COL4A4: variants seen among roughly 807,000 people sequenced by gnomAD.
COL4A4 encodes collagen type IV alpha 4 chain, also known as collagen alpha-4(IV) chain.
A neutral mutation model predicts 192.9 loss-of-function variants in COL4A4; 105 were observed. The observed-to-expected ratio is 0.54, with a 90% CI of 0.46 to 0.64. COL4A4 has a LOEUF of 0.64. Ranked by LOEUF, COL4A4 falls within the 30% of genes least tolerant of loss-of-function variation. The pLI is 0.00. For missense variants in COL4A4, 1,967 were observed against 2,169.3 expected, an observed-to-expected ratio of 0.91 and a Z score of 1.85; for synonymous variants, 762 against 769.9, an observed-to-expected ratio of 0.99 and a Z score of 0.17.
chr2:227,115,665 C>T (rs1448870573), intron 7 of COL4A4, among the ~76,000 whole-genome samples: 1 of 152,154 alleles, frequency 6.6e-6, no homozygotes, highest in Middle Eastern at 3.2e-3. Context: ...ATATACATTT[C>T]AAAGTTAATC....
chr2:227,107,963 G>A (rs1461576317), intron 12 of COL4A4, among the ~76,000 whole-genome samples: 1 of 151,844 alleles, frequency 6.6e-6, no homozygotes, highest in Non-Finnish European at 1.5e-5. Flanking sequence ...TCACCATGTT[G>A]GCCAGGATGG....
intron 1 of COL4A4, among the ~76,000 whole-genome samples, chr2:227,152,853 C>A (rs753553389): frequency 6.6e-6 from 1 of 152,176 alleles, no homozygotes; most frequent in Non-Finnish European, 1.5e-5. Flanking sequence ...ATAGACGAAG[C>A]AGTGTGTTTC....
At chr2:227,000,085 C>G (rs1397830543), downstream of COL4A4, among the ~76,000 whole-genome samples, 1 of 152,216 alleles carries the variant, frequency 6.6e-6, no homozygotes, top group Non-Finnish European at 1.5e-5. Flanking sequence ...ACAAGATCCT[C>G]TCCCTCAACA....
At chr2:226,970,064 C>T in the COL4A4 span, among the ~76,000 whole-genome samples, 1 of 145,802 alleles carries the variant, frequency 6.9e-6, no homozygotes, top group Admixed American at 7.2e-5. Flanking sequence ...CAGCCCTCTC[C>T]CCCCGCATTC....
intron 25 of COL4A4, among the ~76,000 whole-genome samples, chr2:227,067,192 T>C (rs895212555): frequency 2.0e-5 from 3 of 152,010 alleles, no homozygotes; most frequent in African/African-American, 7.3e-5. Context: ...ATGCACCCAA[T>C]ACAGGAGCAC....
chr2:227,097,756 G>C (rs1029397165), intron 19 of COL4A4, among the ~76,000 whole-genome samples: 6 of 152,200 alleles, frequency 3.9e-5, no homozygotes, highest in African/African-American at 1.4e-4. Flanking sequence ...TTCCACCTTT[G>C]TGGTTATTGA....
rs1177348012 is a variant in COL4A4 at position 227,007,473 on chromosome 2, T to C, written c.4925A>G (p.His1642Arg). The change falls in exon 48 of 48, where the codon CAC becomes CGC. Residue 1642 changes from histidine (H) to arginine (R), a missense_variant. By Grantham distance (29) the His-to-Arg change is conservative (BLOSUM62 0). Transcript: ENST00000396625. ...LECQGRQGTC[H>R]FFANKYSFWL... ...GAAGCTATACTTATTTGCGAAAAAG[T>C]GGCAAGTTCCCTGCCGGCCCTGGCA... 1.1e-5 allele frequency: 17 copies of C among 1,614,202 alleles called. No individual in the cohort carries two copies. The highest frequency in any genetic ancestry group is 1.4e-5 in the Non-Finnish European group (17 of 1,180,038).
At chr2:227,128,752 G>A (rs4337467) in intron 4 of COL4A4, among the ~76,000 whole-genome samples, 32,416 of 151,796 alleles carry the variant, frequency 0.21, 4,354 homozygotes, top group Non-Finnish European at 0.28. Context: ...GTCAACTCTC[G>A]CACGGGTTCC....
At chr2:227,051,866 C>A (rs1974180616) in intron 32 of COL4A4, among the ~76,000 whole-genome samples, 1 of 152,124 alleles carries the variant, frequency 6.6e-6, no homozygotes, top group African/African-American at 2.4e-5. Context: ...AAAAAATGTA[C>A]CACAAGGTTT....
At chr2:227,134,241 G>T (rs2062669455) in intron 4 of COL4A4, among the ~76,000 whole-genome samples, 1 of 152,186 alleles carries the variant, frequency 6.6e-6, no homozygotes, top group African/African-American at 2.4e-5. Flanking sequence ...GTCACCAGCT[G>T]TTCCCCAAGG....
rs1553644402 is a variant in COL4A4 at position 227,060,216 on chromosome 2, C to T, written c.2084G>A (p.Gly695Asp). The T allele has an allele frequency of 6.2e-7, 1 of 1,612,508 alleles. No individual in the cohort carries two copies. Among genetic ancestry groups the T allele is most frequent in the East Asian group, 2.2e-5 (1 of 44,836 alleles). Residue 695 changes from glycine (G) to aspartate (D), a missense_variant, in exon 27 of 48, where the codon GGT (glycine) becomes GAT (aspartate). By Grantham distance (94) the Gly-to-Asp change is moderately conservative. Coordinates refer to ENST00000396625, the MANE Select transcript of COL4A4 (RefSeq NM_000092.5). ...ATCTGAACCACTCAGCCCAGGGGCA[C>T]CTTGGGGACCTGGAAATCCCTTCGG... ...PGPKGFPGPQ[G>D]APGLSGSDGH...
In COL4A4 at chr2:227,103,125, A is replaced by G. The variant is rs1576521953; in HGVS notation, c.870+19T>C. The G allele has an allele frequency of 1.3e-6, 2 of 1,507,194 alleles. No individual in the cohort carries two copies. The highest frequency in any genetic ancestry group is 1.2e-5 in the South Asian group (1 of 84,780). 93.4% of individuals were successfully genotyped at this position (1,507,194 alleles called of 1,614,324 possible). A position where few individuals can be genotyped will look rare whatever the true frequency, so the allele number is the denominator to read the frequency against. On this transcript the variant is annotated intron_variant, in intron 14 of 47. Transcript: ENST00000396625. ...TACATCACACAAATGAAAAAAAAAA[A>G]GGTACTTAAATAAACTACCTTGCGT...
intron 4 of COL4A4, among the ~76,000 whole-genome samples, chr2:227,126,228 T>C (rs1291208371): frequency 1.3e-5 from 2 of 152,234 alleles, no homozygotes; most frequent in Non-Finnish European, 2.9e-5. Flanking sequence ...ATGCAGATAC[T>C]ATGCAATTTC....
At chr2:227,145,723 C>T (rs769648592) in intron 2 of COL4A4, among the ~76,000 whole-genome samples, 7 of 152,248 alleles carry the variant, frequency 4.6e-5, no homozygotes, top group Non-Finnish European at 8.8e-5. Flanking sequence ...CTACTTCTTC[C>T]TCTTTTGCTG....
chr2:227,164,417 C>A, upstream of COL4A4: 1 of 496,612 alleles, frequency 2.0e-6, no homozygotes, highest in Non-Finnish European at 3.6e-6. This position sits in a 1 kb window ranked among gnomAD's most constrained non-coding sequence, Gnocchi z 4.8. Flanking sequence ...GCCCACCTGC[C>A]CCTCAGGCGC....
the COL4A4 span, chr2:226,995,691 T>C: frequency 1.6e-6 from 1 of 611,344 alleles, no homozygotes; most frequent in Non-Finnish European, 2.9e-6. Context: ...ATGAGTCAAC[T>C]CACAGCTTGC....
intron 4 of COL4A4, among the ~76,000 whole-genome samples, chr2:227,133,961 T>C (rs1171295617): frequency 6.6e-6 from 1 of 152,132 alleles, no homozygotes; most frequent in African/African-American, 2.4e-5. Flanking sequence ...GATCATCCTA[T>C]AGCTGAAGAT....
intron 37 of COL4A4, among the ~76,000 whole-genome samples, chr2:227,038,807 A>G (rs1412098404): frequency 6.6e-6 from 1 of 152,252 alleles, no homozygotes; most frequent in African/African-American, 2.4e-5. Context: ...TTAGTTTCTC[A>G]GTTCAAAGTG....
intron 1 of COL4A4, among the ~76,000 whole-genome samples, chr2:227,160,127 G>T (rs905373876): frequency 5.9e-5 from 9 of 152,116 alleles, no homozygotes; most frequent in African/African-American, 2.2e-4. Flanking sequence ...GTGAACCAGA[G>T]AAATCATAAA....
Sources: allele counts gnomAD v4.1 joint callset (sites outside exome capture counted in the v4.1 genomes callset), GRCh38; gene constraint gnomAD v4.1.1; non-coding constraint Gnocchi (gnomAD v3.1); transcripts MANE v1.5; gene names NCBI Gene and HGNC (gene_info 2026-07-23, HGNC 2026-07-21).